The following TUBGCP2 variants were observed in gnomAD, a reference collection of about 807,000 sequenced individuals.
The protein encoded by TUBGCP2 is tubulin gamma complex component 2.
Under a neutral mutation model 92.2 loss-of-function variants are expected in TUBGCP2, and 55 were observed. The observed-to-expected ratio is 0.60, with a 90% confidence interval of 0.48 to 0.75. The LOEUF (loss-of-function observed/expected upper bound fraction) is 0.75. TUBGCP2 is among the 30% of genes least tolerant of loss of function. The probability of loss-of-function intolerance (pLI) is 0.00; values close to 1 mark genes in which losing one functional copy is unlikely to be tolerated. For synonymous variants in TUBGCP2, 533 were observed against 505.2 expected, an observed-to-expected ratio of 1.06 and a Z score of -0.74; for missense variants, 1,093 against 1,188.9, an observed-to-expected ratio of 0.92 and a Z score of 1.19.
upstream of TUBGCP2, chr10:133,308,949 GT>G: frequency 8.1e-7 from 1 of 1,232,930 alleles, no homozygotes; most frequent in Non-Finnish European, 1.0e-6. Context: ...GGGTGATGCA[GT>G]TGCCCCCCGC....
At position 133,293,553 on chromosome 10, in the gene TUBGCP2, G is replaced by C; in HGVS notation, c.824+9C>G. 6.5e-7 allele frequency: 1 copy of C among 1,550,150 alleles called. No individual in the cohort carries two copies. The highest frequency in any genetic ancestry group is 8.7e-7 in the Non-Finnish European group (1 of 1,146,450). ...GCGCAGGCTCCCAGGGACCGCGCCC[G>C]GTGCCCACCTGGTCACAGCGGAGTA... is the stretch of plus-strand genomic sequence containing the variant. On this transcript the variant is annotated intron_variant, in intron 6 of 17. Transcript: ENST00000252936.
intron 5 of TUBGCP2, chr10:133,297,471 A>C (rs1402167736): frequency 2.3e-6 from 1 of 438,980 alleles, no homozygotes; most frequent in Admixed American, 2.7e-5. Flanking sequence ...CAGGTCCCCA[A>C]TAACAACGTC....
In TUBGCP2 at chr10:133,285,037, AGCGAGCGCT is replaced by A; in HGVS notation, c.2024+39_2024+47del. On this transcript the variant is annotated intron_variant, in intron 13 of 17. Coordinates refer to ENST00000252936, the MANE Select transcript of TUBGCP2 (RefSeq NM_006659.4). The surrounding 1 kb of genome is among the most constrained non-coding windows in gnomAD (Gnocchi z 6.8). Reference sequence around the variant, plus strand: ...GGCGCTGCACCACTGGGCAGAGTGCAGCGAGCGCTGCTTCAGGAGGGCATGCGGGGGCAG... The same window carrying A: ...GGCGCTGCACCACTGGGCAGAGTGCAGCTTCAGGAGGGCATGCGGGGGCAG... 1 of 1,559,200 alleles carries A rather than the reference AGCGAGCGCT, an allele frequency of 6.4e-7. No homozygotes were observed. The highest frequency in any genetic ancestry group is 8.7e-7 in the Non-Finnish European group (1 of 1,149,406).
chr10:133,302,306 G>A (rs1847682676), intron 2 of TUBGCP2: 1 of 207,102 alleles, frequency 4.8e-6, no homozygotes, highest in African/African-American at 2.3e-5. Flanking sequence ...CCCTGCACCA[G>A]GGGCAGTGCT....
intron 9 of TUBGCP2, 85 bp downstream of exon 9, chr10:133,289,739 C>T: frequency 7.0e-7 from 1 of 1,422,578 alleles, no homozygotes; most frequent in East Asian, 2.7e-5. Context: ...GAGGCACAGG[C>T]TCCCGGTGGG....
chr10:133,288,981 A>T lies in TUBGCP2; in HGVS notation c.1400T>A (p.Val467Asp). 1 of 1,614,064 alleles carries T rather than the reference A, an allele frequency of 6.2e-7. No homozygotes were observed. Among genetic ancestry groups the T allele is most frequent in the South Asian group, 1.1e-5 (1 of 91,082 alleles). The change falls in exon 10 of 18, where the codon GTC (valine) becomes GAC (aspartate). Residue 467 changes from valine (V) to aspartate (D), a missense_variant. By Grantham distance (152) the Val-to-Asp change is radical. Coordinates refer to ENST00000252936, the MANE Select transcript of TUBGCP2 (RefSeq NM_006659.4). ...GATCTCTTTAGCCACCGGGCAGGTG[A>T]CGTCATGGCCACACTCTCTGACCAC... ...LNVVRECGHD[V>D]TCPVAKEIIY...
At chr10:133,309,133 T>G, upstream of TUBGCP2, 1 of 1,380,366 alleles carries the variant, frequency 7.2e-7, no homozygotes, top group Non-Finnish European at 9.4e-7. Flanking sequence ...AGTTGTAGGA[T>G]CCAGTGGGGC....
chr10:133,299,580 ATTCTGTTG>A lies in TUBGCP2; in HGVS notation c.295_302del (p.Gln99CysfsTer6). ...CTGCAAGCTCAGCTCTTTCTTTTGC[ATTCTGTTG>A]TAAGTACTGCAGAGTCTGAAAACAT... is the stretch of plus-strand genomic sequence containing the variant. On this transcript the variant is annotated frameshift_variant, in exon 4 of 18. Coordinates refer to ENST00000252936, the MANE Select transcript of TUBGCP2 (RefSeq NM_006659.4). LOFTEE classifies it high-confidence loss of function. 1 of 1,612,748 alleles carries A rather than the reference ATTCTGTTG, an allele frequency of 6.2e-7. No homozygotes were observed.
intron 8 of TUBGCP2, chr10:133,291,079 G>A (rs1847274690): frequency 4.2e-6 from 1 of 239,868 alleles, no homozygotes; most frequent in Non-Finnish European, 8.2e-6. Flanking sequence ...CCTAATTGGA[G>A]GCAATTTAAT....
At chr10:133,280,012 G>A in intron 17 of TUBGCP2, 111 bp from the exon 18 acceptor site, 1 of 1,478,454 alleles carries the variant, frequency 6.8e-7, no homozygotes. Context: ...TTCTGCGGGT[G>A]CGTGCTGGGC....
At chr10:133,283,310 A>T in intron 14 of TUBGCP2, 89 bp from the exon 15 acceptor site, 1 of 1,569,744 alleles carries the variant, frequency 6.4e-7, no homozygotes, top group Non-Finnish European at 8.7e-7. Flanking sequence ...GGCTTTGTGC[A>T]TTCCTGTTTA....
upstream of TUBGCP2, chr10:133,312,156 A>C: frequency 7.3e-7 from 1 of 1,378,282 alleles, no homozygotes; most frequent in Non-Finnish European, 9.5e-7. Flanking sequence ...CGTCTGCCTT[A>C]ATAGCATCAC....
At chr10:133,309,003 G>A (rs3008357), upstream of TUBGCP2, 187,514 of 1,248,730 alleles carry the variant, frequency 0.15, 15,913 homozygotes, top group African/African-American at 0.35. Flanking sequence ...CGGCGGAGCC[G>A]CTGCCTGTAG....
intron 1 of TUBGCP2, among the ~76,000 whole-genome samples, chr10:133,305,575 G>A (rs1185644373): frequency 6.6e-6 from 1 of 151,896 alleles, no homozygotes; most frequent in Non-Finnish European, 1.5e-5. Context: ...AAAACCCACC[G>A]ACCCTGTGGG....
upstream of TUBGCP2, chr10:133,311,987 A>G: frequency 6.2e-7 from 1 of 1,607,540 alleles, no homozygotes; most frequent in Non-Finnish European, 8.5e-7. Context: ...CAGAGAAGAA[A>G]GTCCAGATAT....
chr10:133,307,935 T>C (rs1211835841), intron 1 of TUBGCP2, among the ~76,000 whole-genome samples: 9 of 152,118 alleles, frequency 5.9e-5, no homozygotes, highest in Non-Finnish European at 8.8e-5. Flanking sequence ...ACAGAGATAT[T>C]TGTGTATCTA....
At chr10:133,309,773 C>T (rs947383539), upstream of TUBGCP2, 13 of 1,612,468 alleles carry the variant, frequency 8.1e-6, no homozygotes, top group African/African-American at 1.3e-5. Context: ...GTCTCCTTGG[C>T]AGGGTGCCCG....
chr10:133,298,228 C>T, intron 4 of TUBGCP2, 117 bp from the exon 5 acceptor site: 1 of 1,117,316 alleles, frequency 9.0e-7, no homozygotes, highest in Non-Finnish European at 1.3e-6. Flanking sequence ...AATTCAACAC[C>T]CACAAAGGGT....
chr10:133,285,325 CT>C lies in TUBGCP2; in HGVS notation c.1896-113del. Reference sequence around the variant, plus strand: ...TGGCCCCCGGACAGCCCGTGAATCTCTCGGACACTGAAGGCCGGGGAGAGCC... The same window carrying C: ...TGGCCCCCGGACAGCCCGTGAATCTCCGGACACTGAAGGCCGGGGAGAGCC... On this transcript the variant is annotated intron_variant, in intron 12 of 17. Coordinates refer to ENST00000252936, the MANE Select transcript of TUBGCP2 (RefSeq NM_006659.4). The surrounding 1 kb of genome is among the most constrained non-coding windows in gnomAD (Gnocchi z 6.8). 6.3e-7 allele frequency: 1 copy of C among 1,591,326 alleles called. No homozygotes were observed. Among genetic ancestry groups the C allele is most frequent in the South Asian group, 1.1e-5 (1 of 88,762 alleles).
Sources: allele counts gnomAD v4.1 joint callset (sites outside exome capture counted in the v4.1 genomes callset), GRCh38; gene constraint gnomAD v4.1.1; non-coding constraint Gnocchi (gnomAD v3.1); transcripts MANE v1.5; gene names NCBI Gene and HGNC (gene_info 2026-07-23, HGNC 2026-07-21).